HMGA2: variants seen among roughly 807,000 people sequenced by gnomAD.
HMGA2 encodes high mobility group AT-hook 2, also known as high mobility group protein HMGI-C.
In HMGA2, 8 loss-of-function variants were observed where a neutral mutation model predicts 19.1. That is an observed-to-expected ratio of 0.42 (90% CI 0.25 to 0.76). The LOEUF (loss-of-function observed/expected upper bound fraction) is 0.76, where lower values mean the gene tolerates loss of function less well. Among genes scored for constraint, HMGA2 ranks in the 30% least tolerant of loss-of-function variants. The pLI is 0.28. For missense variants in HMGA2, 109 were observed against 136.3 expected (o/e 0.80, Z 1.00); for synonymous variants, 60 against 48.8 (o/e 1.23, Z -0.96).
At chr12:65,945,523 C>T (rs551348317) in intron 3 of HMGA2, among the ~76,000 whole-genome samples, 61 of 152,026 alleles carry the variant, frequency 4.0e-4, no homozygotes, top group Middle Eastern at 6.9e-3. Context: ...AAGTGGATCT[C>T]GGTGAATGTT....
chr12:65,939,387 G>A (rs976586132), intron 3 of HMGA2, among the ~76,000 whole-genome samples: 3 of 149,986 alleles, frequency 2.0e-5, no homozygotes, highest in Middle Eastern at 3.5e-3. Context: ...ACCGAGTCTC[G>A]CTCTGTCACC....
At chr12:65,916,682 T>C (rs1195242847) in intron 3 of HMGA2, among the ~76,000 whole-genome samples, 1 of 152,196 alleles carries the variant, frequency 6.6e-6, no homozygotes, top group African/African-American at 2.4e-5. Flanking sequence ...TATGAATATA[T>C]GTTTTTTGAC....
intron 3 of HMGA2, among the ~76,000 whole-genome samples, chr12:65,910,448 C>A (rs1004118680): frequency 1.3e-5 from 2 of 152,186 alleles, no homozygotes; most frequent in Non-Finnish European, 2.9e-5. Flanking sequence ...ATCTTTACAC[C>A]GTACTCACTC....
chr12:65,898,900 C>T (rs1481617171), intron 3 of HMGA2, among the ~76,000 whole-genome samples: 2 of 151,842 alleles, frequency 1.3e-5, no homozygotes, highest in Non-Finnish European at 2.9e-5. Flanking sequence ...AAAAATTAGC[C>T]GGGCGTGGTG....
At chr12:65,845,300 G>T (rs1165238916) in intron 3 of HMGA2, among the ~76,000 whole-genome samples, 1 of 151,960 alleles carries the variant, frequency 6.6e-6, no homozygotes, top group Non-Finnish European at 1.5e-5. Context: ...AGACAGTTTC[G>T]CTCTGTCACC....
intron 3 of HMGA2, among the ~76,000 whole-genome samples, chr12:65,905,967 G>A (rs181319365): frequency 1.1e-5 from 1 of 89,176 alleles, no homozygotes; most frequent in Admixed American, 1.0e-4. Flanking sequence ...TGTTTCCCAA[G>A]TCATTAAATA....
chr12:65,896,916 G>A (rs1874154653), intron 3 of HMGA2, among the ~76,000 whole-genome samples: 1 of 152,216 alleles, frequency 6.6e-6, no homozygotes, highest in Non-Finnish European at 1.5e-5. Flanking sequence ...GGCTGCTGTG[G>A]TGGTATATCC....
intron 3 of HMGA2, among the ~76,000 whole-genome samples, chr12:65,845,109 T>C (rs1871177482): frequency 6.6e-6 from 1 of 152,174 alleles, no homozygotes; most frequent in Middle Eastern, 3.2e-3. Context: ...AGTAAATATT[T>C]CTAAAAGGTT....
chr12:65,950,543 T>C (rs995167331), intron 3 of HMGA2, among the ~76,000 whole-genome samples: 19 of 152,150 alleles, frequency 1.2e-4, no homozygotes, highest in African/African-American at 3.6e-4. Context: ...CACTTAGGCA[T>C]GGGAGGTGGC....
At chr12:65,834,279 A>C (rs11175936) in intron 2 of HMGA2, among the ~76,000 whole-genome samples, 26,802 of 152,140 alleles carry the variant, frequency 0.18, 3,218 homozygotes, top group African/African-American at 0.33. Context: ...TCCAAAGGTT[A>C]TAAAGGGATT....
At chr12:65,926,345 C>T (rs1469144525) in intron 3 of HMGA2, among the ~76,000 whole-genome samples, 1 of 152,172 alleles carries the variant, frequency 6.6e-6, no homozygotes, top group Non-Finnish European at 1.5e-5. Flanking sequence ...GGCAATTACT[C>T]CAGTTACCTT....
chr12:65,844,065 A>AG (rs1385549053), intron 3 of HMGA2, among the ~76,000 whole-genome samples: 2 of 152,076 alleles, frequency 1.3e-5, no homozygotes, highest in African/African-American at 2.4e-5. Context: ...AAAAAAAAAA[A>AG]AAAAGAAATA....
rs1375337734 is a variant in HMGA2, at chr12:65,858,759, CAA to C, written c.249+20192_249+20193del. 7 of 152,228 alleles carry C rather than the reference CAA, an allele frequency of 4.6e-5. No homozygotes were observed. The East Asian group carries it at 7.7e-4, about 17-fold the overall frequency. The allele number at this position is 152,228 out of a possible 1,614,324, so 9.4% of individuals were successfully genotyped here. A position where few individuals can be genotyped will look rare whatever the true frequency, so the allele number is the denominator to read the frequency against. On this transcript the variant is annotated intron_variant, in intron 3 of 4. Transcript: ENST00000403681. ...ACAAAAAACCTCCTAAAAATAAAGC[CAA>C]AGAGTCTAAATCTCGCTCACTGTGC...
intron 3 of HMGA2, among the ~76,000 whole-genome samples, chr12:65,934,469 C>T (rs188835319): frequency 6.6e-6 from 1 of 152,308 alleles, no homozygotes; most frequent in East Asian, 1.9e-4. Flanking sequence ...TGTTCAACGA[C>T]ATTCCTGTGA....
intron 4 of HMGA2, among the ~76,000 whole-genome samples, chr12:65,960,053 C>T (rs936023126): frequency 2.6e-5 from 4 of 152,098 alleles, no homozygotes; most frequent in African/African-American, 9.7e-5. Context: ...CCACGCCTGG[C>T]TAATTTTTTG....
chr12:65,888,704 C>A (rs1298096188), intron 3 of HMGA2, among the ~76,000 whole-genome samples: 1 of 150,714 alleles, frequency 6.6e-6, no homozygotes, highest in African/African-American at 2.4e-5. Context: ...GCTGGGACTA[C>A]AGGCGCCCGC....
intron 3 of HMGA2, among the ~76,000 whole-genome samples, chr12:65,922,812 T>TG (rs762394749): frequency 2.0e-5 from 3 of 152,150 alleles, no homozygotes; most frequent in Non-Finnish European, 2.9e-5. Context: ...AATTGAATCA[T>TG]GGGGGCCGGT....
intron 3 of HMGA2, among the ~76,000 whole-genome samples, chr12:65,944,024 T>C (rs1349498185): frequency 6.6e-6 from 1 of 152,218 alleles, no homozygotes; most frequent in Non-Finnish European, 1.5e-5. Flanking sequence ...CCTAGAGGTG[T>C]GATTTGTATA....
chr12:65,842,059 T>A lies in HMGA2; in HGVS notation c.249+3490T>A, dbSNP rs1241211137. 1.1e-5 allele frequency: 14 copies of A among 1,262,978 alleles called. No individual in the cohort carries two copies. The East Asian group carries it at 7.3e-4, about 66-fold the overall frequency. The allele number at this position is 1,262,978 out of a possible 1,614,324, so 78.2% of individuals were successfully genotyped here. ...CTATTGTTTTTATGAGGTGGTCTGATTTTCATGTGTGTGCGTGTGTGTGTA... is the reference window on the plus strand; with the variant it reads ...CTATTGTTTTTATGAGGTGGTCTGAATTTCATGTGTGTGCGTGTGTGTGTA... On this transcript the variant is annotated intron_variant, in intron 3 of 4. Coordinates refer to ENST00000403681, the MANE Select transcript of HMGA2 (RefSeq NM_003483.6).
Sources: gnomAD v4.1 joint callset for allele counts (sites outside exome capture counted in the v4.1 genomes callset) on GRCh38, gnomAD v4.1.1 for gene constraint, MANE v1.5 for transcripts, NCBI Gene and HGNC (gene_info 2026-07-23, HGNC 2026-07-21) for gene names.